Variants in HHIPL2 observed in about 807,000 individuals in gnomAD.
The protein encoded by HHIPL2 is HHIP-like protein 2.
HHIPL2 carries 61 observed loss-of-function variants against 61.0 expected under a neutral mutation model. The ratio of observed to expected loss-of-function variants is 1.00; its 90% confidence interval spans 0.81 to 1.24. The LOEUF is 1.24. Among genes scored for constraint, HHIPL2 ranks in the 50% most tolerant of loss-of-function variants. HHIPL2 has a pLI of 0.00. For synonymous variants in HHIPL2, 343 were observed against 357.4 expected, an observed-to-expected ratio of 0.96 and a Z score of 0.45; for missense variants, 885 against 910.2, an observed-to-expected ratio of 0.97 and a Z score of 0.36.
In HHIPL2 at chr1:222,542,174, A is replaced by T; in HGVS notation, c.975-19T>A. On this transcript the variant is annotated intron_variant, in intron 2 of 8. Transcript: ENST00000343410. Reference sequence around the variant, plus strand: ...GATGACCCTGGAAGAGAAAAAAGAAACCACACGTTAGGATTTGACACAAGC... The same window carrying T: ...GATGACCCTGGAAGAGAAAAAAGAATCCACACGTTAGGATTTGACACAAGC... 6.2e-7 allele frequency: 1 copy of T among 1,610,938 alleles called. No homozygotes were observed. The highest frequency in any genetic ancestry group is 8.5e-7 in the Non-Finnish European group (1 of 1,179,296).
At chr1:222,533,801 C>A (rs985214048) in intron 5 of HHIPL2, among the ~76,000 whole-genome samples, 1 of 152,138 alleles carries the variant, frequency 6.6e-6, no homozygotes, top group African/African-American at 2.4e-5. Context: ...CAAAGCCCAG[C>A]AGGCTCCTTG....
chr1:222,547,913 C>T lies in HHIPL2; in HGVS notation c.132G>A (p.Gln44=), dbSNP rs778707034. The change falls in exon 1 of 9, where the codon CAG becomes CAA. Residue 44 remains glutamine, a synonymous_variant. Transcript: ENST00000343410. ...GQVGLLQGHP[Q]CLDYGPPFQP... ...GGAAAGGGGGCCCGTAATCCAGGCACTGGGGGTGTCCCTGCAGCAAGCCCA... is the reference window on the plus strand; with the variant it reads ...GGAAAGGGGGCCCGTAATCCAGGCATTGGGGGTGTCCCTGCAGCAAGCCCA... The T allele has an allele frequency of 8.3e-5, 134 of 1,613,144 alleles. No individual in the cohort carries two copies. Among genetic ancestry groups the T allele is most frequent in the Non-Finnish European group, 1.1e-4 (131 of 1,179,386 alleles).
intron 1 of HHIPL2, among the ~76,000 whole-genome samples, chr1:222,544,503 A>G (rs573944495): frequency 2.0e-5 from 3 of 152,198 alleles, no homozygotes; most frequent in Non-Finnish European, 1.5e-5. Context: ...AAATTTCTAG[A>G]TCTCTTTCTT....
intron 7 of HHIPL2, among the ~76,000 whole-genome samples, chr1:222,526,501 T>C (rs1571763680): frequency 2.0e-5 from 3 of 148,230 alleles, no homozygotes; most frequent in Admixed American, 2.0e-4. Flanking sequence ...AGGTCGGGAG[T>C]TCAAGACCAG....
At chr1:222,527,573 G>A (rs767019964) in intron 6 of HHIPL2, among the ~76,000 whole-genome samples, 48 of 151,698 alleles carry the variant, frequency 3.2e-4, no homozygotes, top group Admixed American at 1.8e-3. Flanking sequence ...TTCTCCTCTC[G>A]GTCTTTTCCA....
Position 222,526,408 on chromosome 1 carries a change from T to TA in HHIPL2, c.1805+560dup, listed in dbSNP as rs533756995. Among the ~76,000 whole-genome samples, 281 of 130,524 alleles carry TA rather than the reference T, an allele frequency of 2.2e-3. 1 individual carries two copies. Among genetic ancestry groups the TA allele is most frequent in the South Asian group, 4.7e-3 (19 of 4,044 alleles). The allele number at this position is 130,524 out of a possible 152,430, so 85.6% of individuals were successfully genotyped here. A position where few individuals can be genotyped will look rare whatever the true frequency, so the allele number is the denominator to read the frequency against. ...CAGACAGACATTTCCAGAAGCATAT[T>TA]AAAAAAAAAAAAAAAGGCTGGGCAT... On this transcript the variant is annotated intron_variant, in intron 7 of 8. Coordinates refer to ENST00000343410, the MANE Select transcript of HHIPL2 (RefSeq NM_024746.4).
chr1:222,543,777 A>G lies in HHIPL2; in HGVS notation c.734T>C (p.Leu245Pro). 1 of 1,614,068 alleles carries G rather than the reference A, an allele frequency of 6.2e-7. No individual in the cohort carries two copies. Among genetic ancestry groups the G allele is most frequent in the Non-Finnish European group, 8.5e-7 (1 of 1,179,998 alleles). Residue 245 changes from leucine to proline, a missense_variant, in exon 2 of 9, where the codon CTC (leucine) becomes CCC (proline). Transcript: ENST00000343410. Reference sequence around the variant, plus strand: ...TTGCTCCAGGCGACTCCCATCAGGGAGGTAGACCCACACCACTCCTACCTG... The same window carrying G: ...TTGCTCCAGGCGACTCCCATCAGGGGGGTAGACCCACACCACTCCTACCTG... ...AEQVGVVWVY[L>P]PDGSRLEQPF...
At chr1:222,526,917 A>C in intron 7 of HHIPL2, 52 bp downstream of exon 7, 1 of 1,434,720 alleles carries the variant, frequency 7.0e-7, no homozygotes, top group Non-Finnish European at 9.7e-7. Flanking sequence ...CCTGCCATGG[A>C]GATAAGAAAT....
chr1:222,536,002 A>AC (rs1479944792), intron 5 of HHIPL2, among the ~76,000 whole-genome samples: 14 of 152,234 alleles, frequency 9.2e-5, no homozygotes, highest in African/African-American at 2.6e-4. Context: ...CTAAAGTAGT[A>AC]CTCGGGGGGA....
At chr1:222,538,606 T>C (rs1659356329) in intron 5 of HHIPL2, 42 bp downstream of exon 5, 2 of 1,569,246 alleles carry the variant, frequency 1.3e-6, no homozygotes, top group Admixed American at 1.7e-5. Flanking sequence ...AGTAAAAATA[T>C]TAAAATAAAA....
At chr1:222,545,103 G>A (rs1302757619) in intron 1 of HHIPL2, among the ~76,000 whole-genome samples, 2 of 152,196 alleles carry the variant, frequency 1.3e-5, no homozygotes, top group African/African-American at 4.8e-5. Context: ...GAGCAGACGA[G>A]CGACTCCCAG....
chr1:222,535,392 G>A (rs189116452), intron 5 of HHIPL2, among the ~76,000 whole-genome samples: 11 of 152,280 alleles, frequency 7.2e-5, no homozygotes, highest in Non-Finnish European at 1.5e-4. Flanking sequence ...GAGAGCATTA[G>A]GAATGATAAC....
chr1:222,522,743 G>A lies in HHIPL2; in HGVS notation c.2033C>T (p.Thr678Ile), dbSNP rs763189239. 7 of 1,614,012 alleles carry A rather than the reference G, an allele frequency of 4.3e-6. No individual in the cohort carries two copies. The highest frequency in any genetic ancestry group is 1.6e-4 in the Middle Eastern group (1 of 6,084). ...KLASPTSSKNTLRGPGTKKKA... is the reference protein window; with the variant it reads ...KLASPTSSKNILRGPGTKKKA... ...CTTCTTTGTACCAGGCCCTCGCAAT[G>A]TATTCTTGCTGCTTGTAGGAGAAGC... Residue 678 changes from threonine to isoleucine, a missense_variant, in exon 9 of 9, where the codon ACA becomes ATA. Coordinates refer to ENST00000343410, the MANE Select transcript of HHIPL2 (RefSeq NM_024746.4).
chr1:222,538,232 G>GTGTGTGTGTGTGTT, intron 5 of HHIPL2, among the ~76,000 whole-genome samples: 1 of 146,026 alleles, frequency 6.8e-6, no homozygotes, highest in East Asian at 2.0e-4. Context: ...GTGTGTGTGT[G>GTGTGTGTGTGTGTT]TGTGTGTGTG....
chr1:222,543,507 C>T, intron 2 of HHIPL2, 30 bp downstream of exon 2: 1 of 1,582,520 alleles, frequency 6.3e-7, no homozygotes, highest in Non-Finnish European at 8.6e-7. Context: ...GAACACAGTA[C>T]AGCTGTAGGC....
chr1:222,545,290 G>C (rs145462803), intron 1 of HHIPL2, among the ~76,000 whole-genome samples: 1 of 152,268 alleles, frequency 6.6e-6, no homozygotes, highest in African/African-American at 2.4e-5. Flanking sequence ...ATTCACCTCT[G>C]TGCTGCCATC....
intron 5 of HHIPL2, among the ~76,000 whole-genome samples, chr1:222,538,135 TTATATATGA>T (rs1374106153): frequency 1.3e-5 from 2 of 151,228 alleles, no homozygotes; most frequent in Non-Finnish European, 2.9e-5. Context: ...ATTATTCCAT[TTATATATGA>T]AGTTCCAGAA....
At chr1:222,524,344 T>C (rs2102607905) in intron 7 of HHIPL2, 1 of 152,416 alleles carries the variant, frequency 6.6e-6, no homozygotes, top group South Asian at 2.1e-4. Context: ...TTGCTTTCTC[T>C]GCCTCTGCCT....
At position 222,547,863 on chromosome 1, in the gene HHIPL2, C is replaced by A. The variant is rs1381022350; in HGVS notation, c.182G>T (p.Cys61Phe). The A allele has an allele frequency of 1.9e-6, 3 of 1,614,096 alleles. No homozygotes were observed. The highest frequency in any genetic ancestry group is 2.5e-6 in the Non-Finnish European group (3 of 1,180,030). ...PFQPPLHLEFCSDYESFGCCD... is the reference protein window; with the variant it reads ...PFQPPLHLEFFSDYESFGCCD... ...GCAGCCGAAGGACTCATAGTCAGAG[C>A]AAAACTCAAGGTGCAGAGGGGGCTG... The change falls in exon 1 of 9, where the codon TGC (cysteine) becomes TTC (phenylalanine). Residue 61 changes from cysteine (C) to phenylalanine (F), a missense_variant. Cys to Phe is a radical substitution (Grantham distance 205, BLOSUM62 -2). Transcript: ENST00000343410.
Sources: gnomAD v4.1 joint callset for allele counts (sites outside exome capture counted in the v4.1 genomes callset) on GRCh38, gnomAD v4.1.1 for gene constraint, MANE v1.5 for transcripts, NCBI Gene and HGNC (gene_info 2026-07-23, HGNC 2026-07-21) for gene names.